Variants in STXBP5L observed in about 807,000 individuals in gnomAD.
STXBP5L encodes syntaxin binding protein 5L, also known as syntaxin-binding protein 5-like.
A neutral mutation model predicts 144.5 loss-of-function variants in STXBP5L; 65 were observed. The observed-to-expected ratio is 0.45, with a 90% CI of 0.37 to 0.55. The LOEUF is 0.55. Ranked by LOEUF, STXBP5L falls within the 20% of genes least tolerant of loss-of-function variation. STXBP5L has a pLI of 0.00. For synonymous variants in STXBP5L, 505 were observed against 469.6 expected, an observed-to-expected ratio of 1.08 and a Z score of -0.97; for missense variants, 1,298 against 1,405.5, an observed-to-expected ratio of 0.92 and a Z score of 1.22.
chr3:121,369,811 T>G (rs1233512137), intron 20 of STXBP5L, among the ~76,000 whole-genome samples: 1 of 152,194 alleles, frequency 6.6e-6, no homozygotes, highest in East Asian at 1.9e-4. Context: ...GATGGTTATG[T>G]GTCTTGGGGA....
At chr3:121,067,917 G>A (rs1025497830) in intron 5 of STXBP5L, among the ~76,000 whole-genome samples, 2 of 152,210 alleles carry the variant, frequency 1.3e-5, no homozygotes, top group Middle Eastern at 3.4e-3. Context: ...TTTACTTTGT[G>A]TTTGCATGGC....
chr3:121,360,344 TC>T (rs1463791633), intron 20 of STXBP5L, among the ~76,000 whole-genome samples: 1 of 151,948 alleles, frequency 6.6e-6, no homozygotes, highest in Non-Finnish European at 1.5e-5. Flanking sequence ...CTTTTTTTAA[TC>T]CATTCAGTCA....
chr3:121,201,943 A>T (rs2048155469), intron 9 of STXBP5L, among the ~76,000 whole-genome samples: 1 of 152,178 alleles, frequency 6.6e-6, no homozygotes, highest in Non-Finnish European at 1.5e-5. Flanking sequence ...TTTAGTAAGG[A>T]CAGGGTTTCA....
At chr3:120,977,014 A>G (rs1941120018) in intron 3 of STXBP5L, among the ~76,000 whole-genome samples, 3 of 152,048 alleles carry the variant, frequency 2.0e-5, no homozygotes, top group Admixed American at 2.0e-4. Flanking sequence ...AAAAATATGT[A>G]TATTCTGTTG....
In STXBP5L at chr3:121,360,203, G is replaced by T. The variant is rs1243249520; in HGVS notation, c.2177-18513G>T. ...TTTTATCTTGAAATCTATTTTTTCT[G>T]ATATAAATATAGTGACTCCTCCTTT... On this transcript the variant is annotated intron_variant, in intron 20 of 26. Coordinates refer to ENST00000471454, the MANE Select transcript of STXBP5L (RefSeq NM_001308330.2). 7.3e-5 allele frequency among the ~76,000 whole-genome samples: 11 copies of T among 150,640 alleles called. No individual in the cohort carries two copies. The South Asian group carries it at 8.3e-4, about 11-fold the overall frequency.
intron 9 of STXBP5L, among the ~76,000 whole-genome samples, chr3:121,166,344 C>T (rs1396078034): frequency 1.3e-5 from 2 of 152,108 alleles, no homozygotes; most frequent in African/African-American, 2.4e-5. Context: ...TGTCTCCTTG[C>T]TTTTCTGTAC....
At chr3:120,995,338 G>A (rs1943255472) in intron 3 of STXBP5L, among the ~76,000 whole-genome samples, 1 of 151,876 alleles carries the variant, frequency 6.6e-6, no homozygotes, top group Admixed American at 6.6e-5. Context: ...TGTAGATGTA[G>A]GGTTTCCCTA....
At chr3:120,947,485 A>C (rs939530541) in intron 2 of STXBP5L, among the ~76,000 whole-genome samples, 1 of 151,718 alleles carries the variant, frequency 6.6e-6, no homozygotes, top group African/African-American at 2.4e-5. Flanking sequence ...CCCACCATAC[A>C]ATTCACCTAT....
chr3:121,047,745 C>T (rs1003735790), intron 5 of STXBP5L, among the ~76,000 whole-genome samples: 7 of 152,146 alleles, frequency 4.6e-5, no homozygotes, highest in African/African-American at 1.7e-4. Flanking sequence ...GGTGTCATTA[C>T]ATGTGAGATG....
chr3:121,092,150 A>G (rs1006569625), intron 5 of STXBP5L, among the ~76,000 whole-genome samples: 10 of 152,174 alleles, frequency 6.6e-5, no homozygotes, highest in Admixed American at 1.3e-4. Flanking sequence ...TGGTACCAGT[A>G]CCATGCTGTT....
intron 20 of STXBP5L, among the ~76,000 whole-genome samples, chr3:121,328,320 T>C (rs958913327): frequency 6.6e-6 from 1 of 152,230 alleles, no homozygotes. Flanking sequence ...GACAAGATTC[T>C]TGTGAAGTAC....
At chr3:121,206,083 T>G in intron 10 of STXBP5L, 82 bp downstream of exon 10, 2 of 798,490 alleles carry the variant, frequency 2.5e-6, no homozygotes, top group Non-Finnish European at 3.7e-6. Flanking sequence ...AGATATTGTT[T>G]AAAGTTTTAC....
chr3:121,403,646 G>C (rs982370730), intron 22 of STXBP5L, among the ~76,000 whole-genome samples: 2 of 152,116 alleles, frequency 1.3e-5, no homozygotes, highest in African/African-American at 4.8e-5. Flanking sequence ...GGTAGAGATA[G>C]ATAATATGTG....
intron 23 of STXBP5L, among the ~76,000 whole-genome samples, chr3:121,411,360 G>A (rs2047111508): frequency 1.3e-5 from 2 of 151,910 alleles, no homozygotes; most frequent in African/African-American, 2.4e-5. Context: ...TTTTTTCAAG[G>A]TGCTGGTTTT....
At chr3:121,019,848 A>G (rs540330934) in intron 3 of STXBP5L, among the ~76,000 whole-genome samples, 19 of 152,308 alleles carry the variant, frequency 1.2e-4, no homozygotes, top group African/African-American at 4.3e-4. Context: ...AATTCCGGTA[A>G]TATGACAAAA....
chr3:121,077,509 C>T (rs1277930359), intron 5 of STXBP5L, among the ~76,000 whole-genome samples: 1 of 151,926 alleles, frequency 6.6e-6, no homozygotes, highest in Non-Finnish European at 1.5e-5. Context: ...CAGTGTGGAC[C>T]CAAAGAGTGA....
intron 9 of STXBP5L, among the ~76,000 whole-genome samples, chr3:121,202,553 GA>G (rs1261960013): frequency 6.6e-6 from 1 of 152,062 alleles, no homozygotes; most frequent in East Asian, 1.9e-4. Context: ...CAGCCTGAAG[GA>G]CTTTTTTTAG....
At chr3:121,247,927 A>T (rs2049908689) in intron 14 of STXBP5L, among the ~76,000 whole-genome samples, 1 of 152,230 alleles carries the variant, frequency 6.6e-6, no homozygotes, top group African/African-American at 2.4e-5. Flanking sequence ...ACTAATTTAC[A>T]TTCCTACCAA....
intron 5 of STXBP5L, among the ~76,000 whole-genome samples, chr3:121,101,133 G>A (rs1423954278): frequency 6.6e-6 from 1 of 152,004 alleles, no homozygotes; most frequent in Non-Finnish European, 1.5e-5. Flanking sequence ...CTCCAGACAA[G>A]ATGGAGTCAC....
Sources: gnomAD v4.1 joint callset for allele counts (sites outside exome capture counted in the v4.1 genomes callset) on GRCh38, gnomAD v4.1.1 for gene constraint, MANE v1.5 for transcripts, NCBI Gene and HGNC (gene_info 2026-07-23, HGNC 2026-07-21) for gene names.